Variants in EXOC6B observed in about 807,000 individuals in gnomAD.
EXOC6B encodes exocyst complex component 6B.
EXOC6B carries 54 observed loss-of-function variants against 113.5 expected under a neutral mutation model. The ratio of observed to expected loss-of-function variants is 0.48; its 90% CI spans 0.38 to 0.60. EXOC6B has a LOEUF of 0.60. Ranked by LOEUF, EXOC6B falls within the 20% of genes least tolerant of loss-of-function variation. EXOC6B has a pLI of 0.00. For synonymous variants in EXOC6B, 357 were observed against 339.0 expected (o/e 1.05, Z -0.58); for missense variants, 797 against 977.5 (o/e 0.82, Z 2.46).
At chr2:72,245,568 C>T (rs1382143836) in intron 20 of EXOC6B, among the ~76,000 whole-genome samples, 1 of 152,190 alleles carries the variant, frequency 6.6e-6, no homozygotes, top group Non-Finnish European at 1.5e-5. Flanking sequence ...TCTGAAAAGG[C>T]TATATGTTGT....
chr2:72,240,572 A>C (rs972154209), intron 20 of EXOC6B, among the ~76,000 whole-genome samples: 9 of 152,150 alleles, frequency 5.9e-5, no homozygotes, highest in African/African-American at 1.9e-4. Flanking sequence ...GTTAGCGAAA[A>C]ATTAAAAGGA....
intron 19 of EXOC6B, among the ~76,000 whole-genome samples, chr2:72,352,984 T>C (rs1312569451): frequency 6.6e-6 from 1 of 152,160 alleles, no homozygotes; most frequent in African/African-American, 2.4e-5. Context: ...AATGTACCAG[T>C]GTAAACACTG....
chr2:72,415,235 T>C lies in EXOC6B; in HGVS notation c.1981-35365A>G, dbSNP rs145988934. On this transcript the variant is annotated intron_variant, in intron 18 of 21. Transcript: ENST00000272427. The stretch of plus-strand genomic sequence containing the variant: ...AATTAAAGAAGCCAAATATCCCAAA[T>C]GATGCCTTTACGTCAGTCTCTCAAA... 7.2e-5 allele frequency among the ~76,000 whole-genome samples: 11 copies of C among 152,188 alleles called. No individual in the cohort carries two copies. The East Asian group carries it at 2.1e-3, about 29-fold the overall frequency.
intron 6 of EXOC6B, among the ~76,000 whole-genome samples, chr2:72,603,481 A>G (rs1193157182): frequency 6.6e-6 from 1 of 152,112 alleles, no homozygotes; most frequent in East Asian, 1.9e-4. Flanking sequence ...GAAAAAGCCT[A>G]CAACTGCACA....
chr2:72,204,273 T>C (rs1333661677), intron 20 of EXOC6B, among the ~76,000 whole-genome samples: 1 of 152,176 alleles, frequency 6.6e-6, no homozygotes, highest in East Asian at 1.9e-4. Flanking sequence ...GCCCTGAATG[T>C]ATCAGAGCAA....
chr2:72,266,244 AG>A (rs1684075691), intron 20 of EXOC6B, among the ~76,000 whole-genome samples: 1 of 150,176 alleles, frequency 6.7e-6, no homozygotes, highest in Admixed American at 6.6e-5. Context: ...GCTGTGCAGA[AG>A]CTCTTTAGTT....
intron 20 of EXOC6B, among the ~76,000 whole-genome samples, chr2:72,325,519 G>A (rs1688079618): frequency 1.3e-5 from 2 of 151,738 alleles, no homozygotes; most frequent in Admixed American, 6.6e-5. Context: ...TACCCAAAAG[G>A]TTGTCAGAAC....
Position 72,825,742 on chromosome 2 carries a change from G to C in EXOC6B, c.113+56C>G. 1.3e-6 allele frequency: 2 copies of C among 1,538,334 alleles called. No homozygotes were observed. Among genetic ancestry groups the C allele is most frequent in the Non-Finnish European group, 1.7e-6 (2 of 1,143,340 alleles). On this transcript the variant is annotated intron_variant, in intron 1 of 21. Coordinates refer to ENST00000272427, the MANE Select transcript of EXOC6B (RefSeq NM_015189.3). This position sits in a 1 kb window ranked among gnomAD's most constrained non-coding sequence, Gnocchi z 4.4. ...AGCCGGCCGGAGGCCCGACCCAGAG[G>C]AGCCTGCCCCGTCCCGCCCGTTCCC...
intron 6 of EXOC6B, among the ~76,000 whole-genome samples, chr2:72,601,987 A>G (rs1013104160): frequency 6.6e-6 from 1 of 152,224 alleles, no homozygotes; most frequent in African/African-American, 2.4e-5. Context: ...CAATTGAAAG[A>G]TCATTAGTTG....
At chr2:72,367,276 A>G (rs1481713978) in intron 19 of EXOC6B, among the ~76,000 whole-genome samples, 1 of 152,200 alleles carries the variant, frequency 6.6e-6, no homozygotes, top group Non-Finnish European at 1.5e-5. Context: ...CAATAACTAA[A>G]ATATACAACA....
intron 20 of EXOC6B, among the ~76,000 whole-genome samples, chr2:72,311,884 A>G (rs921970339): frequency 6.6e-6 from 1 of 152,232 alleles, no homozygotes; most frequent in African/African-American, 2.4e-5. Context: ...GGCTTAGACT[A>G]GATCTAAAGG....
chr2:72,704,944 T>C (rs994997708), intron 6 of EXOC6B, among the ~76,000 whole-genome samples: 3 of 151,488 alleles, frequency 2.0e-5, no homozygotes, highest in South Asian at 2.1e-4. Flanking sequence ...TTCCAATCAA[T>C]AGAAAAAGAG....
intron 6 of EXOC6B, among the ~76,000 whole-genome samples, chr2:72,643,672 G>C (rs1309485786): frequency 2.0e-5 from 3 of 147,582 alleles, no homozygotes; most frequent in Non-Finnish European, 3.0e-5. Flanking sequence ...TAGATGACGA[G>C]TTAGTGGGTG....
intron 7 of EXOC6B, among the ~76,000 whole-genome samples, chr2:72,567,999 C>T (rs572486688): frequency 6.6e-6 from 1 of 152,016 alleles, no homozygotes; most frequent in Admixed American, 6.6e-5. Context: ...TGTTAGGGAA[C>T]AGGATAGTCA....
Position 72,709,622 on chromosome 2 carries a change from A to T in EXOC6B, c.669+8481T>A, listed in dbSNP as rs940665268. On this transcript the variant is annotated intron_variant, in intron 6 of 21. Transcript: ENST00000272427. ...ACTGAGAAACACAATCACCAGGCTC[A>T]TGAAATTATTTGAAGAGACTATAGA... Among the ~76,000 whole-genome samples the T allele has an allele frequency of 5.3e-5, 8 of 152,350 alleles. No individual in the cohort carries two copies. In the East Asian group the frequency reaches 1.5e-3, roughly 29 times the overall value.
At chr2:72,314,287 C>G (rs1432104388) in intron 20 of EXOC6B, among the ~76,000 whole-genome samples, 1 of 152,214 alleles carries the variant, frequency 6.6e-6, no homozygotes, top group African/African-American at 2.4e-5. Flanking sequence ...TTATACTCTA[C>G]TCTACTCTGC....
intron 6 of EXOC6B, among the ~76,000 whole-genome samples, chr2:72,611,137 T>G (rs1409126247): frequency 1.1e-4 from 16 of 151,752 alleles, no homozygotes; most frequent in Admixed American, 1.1e-3. Context: ...CCAAGGCAGG[T>G]GGATCACATG....
chr2:72,570,454 T>C (rs1410074609), intron 7 of EXOC6B, among the ~76,000 whole-genome samples: 2 of 152,188 alleles, frequency 1.3e-5, no homozygotes, highest in Non-Finnish European at 1.5e-5. Context: ...TTACATGGCA[T>C]TTGTATTTAA....
intron 18 of EXOC6B, among the ~76,000 whole-genome samples, chr2:72,451,369 G>T (rs903950153): frequency 1.3e-5 from 2 of 152,100 alleles, no homozygotes; most frequent in African/African-American, 4.8e-5. Flanking sequence ...TAGTTATCAA[G>T]ATGAAGATTA....
Sources: gnomAD v4.1 joint callset for allele counts (sites outside exome capture counted in the v4.1 genomes callset) on GRCh38, gnomAD v4.1.1 for gene constraint, Gnocchi (gnomAD v3.1) non-coding constraint, MANE v1.5 for transcripts, NCBI Gene and HGNC (gene_info 2026-07-23, HGNC 2026-07-21) for gene names.